The following BMPR2 variants were observed in gnomAD, a reference collection of about 807,000 sequenced individuals.
BMPR2 encodes the protein bone morphogenetic protein receptor type-2.
BMPR2 carries 29 observed loss-of-function variants against 100.8 expected under a neutral mutation model. The ratio of observed to expected loss-of-function variants is 0.29; its 90% CI spans 0.21 to 0.39. The LOEUF (loss-of-function observed/expected upper bound fraction) is 0.39. Ranked by LOEUF, BMPR2 falls within the 10% of genes least tolerant of loss-of-function variation. BMPR2 has a pLI of 1.00. For synonymous variants in BMPR2, 382 were observed against 442.3 expected (o/e 0.86, Z 1.71); for missense variants, 1,011 against 1,274.5 (o/e 0.79, Z 3.15).
At chr2:202,535,204 C>T (rs1442956975) in intron 9 of BMPR2, among the ~76,000 whole-genome samples, 17 of 151,722 alleles carry the variant, frequency 1.1e-4, no homozygotes, top group African/African-American at 2.2e-4. Context: ...ACCTCCCTCC[C>T]GGACGGGGTG....
chr2:202,462,718 T>G (rs2105957883), intron 1 of BMPR2, among the ~76,000 whole-genome samples: 1 of 151,952 alleles, frequency 6.6e-6, no homozygotes, highest in Non-Finnish European at 1.5e-5. Flanking sequence ...GTTGTTGTTG[T>G]TTTTGTTTTT....
chr2:202,469,216 C>T (rs569714792), intron 3 of BMPR2, among the ~76,000 whole-genome samples: 120 of 151,576 alleles, frequency 7.9e-4, no homozygotes, highest in African/African-American at 2.5e-3. Context: ...TTAGTAGAGA[C>T]GGGGTTTCTC....
intron 1 of BMPR2, among the ~76,000 whole-genome samples, chr2:202,383,896 G>A (rs1690358940): frequency 6.6e-6 from 1 of 151,832 alleles, no homozygotes; most frequent in African/African-American, 2.4e-5. Flanking sequence ...TATTGGCTGG[G>A]CCTGGTGGCT....
chr2:202,416,066 GTTAAAATATCAGTACTAACAGGAA>G (rs930739042), intron 1 of BMPR2, among the ~76,000 whole-genome samples: 5 of 152,178 alleles, frequency 3.3e-5, no homozygotes, highest in Non-Finnish European at 7.3e-5. Flanking sequence ...ATGGGAGGAG[GTTAAAATATCAGTACTAACAGGAA>G]TTTGGAAGAA....
At position 202,566,373 on chromosome 2, in the gene BMPR2, A is replaced by T. The variant is rs1688763452; in HGVS notation, c.*6427A>T. The T allele has an allele frequency of 1.3e-5, 2 of 152,622 alleles. No individual in the cohort carries two copies. 9.5% of individuals were successfully genotyped at this position (152,622 alleles called of 1,614,324 possible). On this transcript the variant is annotated 3_prime_UTR_variant, in exon 13 of 13. Coordinates refer to ENST00000374580, the MANE Select transcript of BMPR2 (RefSeq NM_001204.7). ...ATTTAAAGTGTTTGTTGCACAGTTC[A>T]TTTAATGTTTCATCTTATTTGACTT...
At position 202,567,515 on chromosome 2, in the gene BMPR2, T is replaced by C. The variant is rs1264861153; in HGVS notation, c.*7569T>C. ...CAGTGTGAGTATAAAATAAAGCAAATCACTTTTCTTTTGTATTATCTATGG... is the reference window on the plus strand; with the variant it reads ...CAGTGTGAGTATAAAATAAAGCAAACCACTTTTCTTTTGTATTATCTATGG... On this transcript the variant is annotated 3_prime_UTR_variant, in exon 13 of 13. Transcript: ENST00000374580. 1 of 152,640 alleles carries C rather than the reference T, an allele frequency of 6.6e-6. No homozygotes were observed. Among genetic ancestry groups the C allele is most frequent in the African/African-American group, 2.4e-5 (1 of 41,456 alleles). 9.5% of individuals were successfully genotyped at this position (152,640 alleles called of 1,614,324 possible). A position where few individuals can be genotyped will look rare whatever the true frequency, so the allele number is the denominator to read the frequency against.
intron 3 of BMPR2, among the ~76,000 whole-genome samples, chr2:202,472,492 C>T (rs574506882): frequency 2.0e-4 from 30 of 152,166 alleles, no homozygotes; most frequent in African/African-American, 7.0e-4. Flanking sequence ...AACCCCATCT[C>T]TACTAAAAAT....
chr2:202,455,564 A>G (rs1252189055), intron 1 of BMPR2, among the ~76,000 whole-genome samples: 1 of 152,234 alleles, frequency 6.6e-6, no homozygotes, highest in South Asian at 2.1e-4. Flanking sequence ...GTGAGATACA[A>G]TGCTGTGATT....
chr2:202,439,974 C>T (rs1272779544), intron 1 of BMPR2, among the ~76,000 whole-genome samples: 2 of 150,038 alleles, frequency 1.3e-5, no homozygotes, highest in Non-Finnish European at 2.9e-5. Flanking sequence ...CATCTTGCAC[C>T]GCCCTTAATC....
chr2:202,385,383 T>TTTTTTTTTTTTTA (rs869095713), intron 1 of BMPR2, among the ~76,000 whole-genome samples: 1 of 145,728 alleles, frequency 6.9e-6, no homozygotes, highest in Admixed American at 7.1e-5. Context: ...TTTTTTTTTT[T>TTTTTTTTTTTTTA]GAGACGGAGT....
intron 1 of BMPR2, among the ~76,000 whole-genome samples, chr2:202,380,164 C>G (rs1690246982): frequency 6.6e-6 from 1 of 151,518 alleles, no homozygotes; most frequent in South Asian, 2.1e-4. Flanking sequence ...CCACACCCCG[C>G]CTAATTCTTA....
Position 202,388,352 on chromosome 2 carries a change from G to A in BMPR2, c.76+10802G>A, listed in dbSNP as rs1263728087. Reference sequence around the variant, plus strand: ...ATGGAGGTTGCAGTGAGCCGAGATTGTGTCACTGCACTCTAGCCTGGGTGA... The same window carrying A: ...ATGGAGGTTGCAGTGAGCCGAGATTATGTCACTGCACTCTAGCCTGGGTGA... On this transcript the variant is annotated intron_variant, in intron 1 of 12. Transcript: ENST00000374580. Among the ~76,000 whole-genome samples, 5 of 124,442 alleles carry A rather than the reference G, an allele frequency of 4.0e-5. No individual in the cohort carries two copies. The East Asian group carries it at 1.3e-3, about 31-fold the overall frequency. 81.6% of individuals were successfully genotyped at this position (124,442 alleles called of 152,430 possible).
At chr2:202,424,973 C>G (rs1231623061) in intron 1 of BMPR2, among the ~76,000 whole-genome samples, 1 of 150,214 alleles carries the variant, frequency 6.7e-6, no homozygotes, top group Non-Finnish European at 1.5e-5. Flanking sequence ...TTTTTTTTTC[C>G]CCAGAGATGG....
chr2:202,482,909 A>G (rs961376221), intron 3 of BMPR2, among the ~76,000 whole-genome samples: 1 of 152,070 alleles, frequency 6.6e-6, no homozygotes, highest in Non-Finnish European at 1.5e-5. Flanking sequence ...GGTCGTGAAC[A>G]TTCAGCTTCA....
chr2:202,382,698 C>T (rs1392325784), intron 1 of BMPR2, among the ~76,000 whole-genome samples: 1 of 152,178 alleles, frequency 6.6e-6, no homozygotes, highest in Non-Finnish European at 1.5e-5. Flanking sequence ...GTCCTAGTTC[C>T]TTCAACTATA....
In BMPR2 at chr2:202,377,338, A is replaced by G. The variant is rs1479860291; in HGVS notation, c.-137A>G. On this transcript the variant is annotated 5_prime_UTR_variant, in exon 1 of 13. Transcript: ENST00000374580. ...CTGCAGCTAGGTCCTCTCATCAGCC[A>G]TTTGTCCTTTCAAACTGTATTGTGA... is the stretch of plus-strand genomic sequence containing the variant. 4.7e-6 allele frequency: 4 copies of G among 847,604 alleles called. No homozygotes were observed. Among genetic ancestry groups the G allele is most frequent in the Middle Eastern group, 2.2e-4 (1 of 4,584 alleles). The allele number at this position is 847,604 out of a possible 1,614,324, so 52.5% of individuals were successfully genotyped here.
At chr2:202,458,653 T>C (rs1453002196) in intron 1 of BMPR2, among the ~76,000 whole-genome samples, 1 of 151,080 alleles carries the variant, frequency 6.6e-6, no homozygotes, top group Non-Finnish European at 1.5e-5. Context: ...TTCTTTAATG[T>C]GCACATTTTT....
rs74924503 is a variant in BMPR2, at chr2:202,542,765, C to T, written c.1413+318C>T. On this transcript the variant is annotated intron_variant, in intron 10 of 12. Coordinates refer to ENST00000374580, the MANE Select transcript of BMPR2 (RefSeq NM_001204.7). ...TATTATTGAAATTCTATCTTACTCT[C>T]TTGAGAATAGTACCAAAACTGTTAA... 0.046 allele frequency among the ~76,000 whole-genome samples: 7,029 copies of T among 152,122 alleles called. 537 individuals carry two copies. Among genetic ancestry groups the T allele is most frequent in the African/African-American group, 0.16 (6,656 of 41,470 alleles).
At chr2:202,490,877 G>T (rs116565969) in intron 3 of BMPR2, among the ~76,000 whole-genome samples, 481 of 152,244 alleles carry the variant, frequency 3.2e-3, no homozygotes, top group African/African-American at 0.011. Context: ...ACTATATAAG[G>T]AGTATGGTTT....
Sources: allele counts gnomAD v4.1 joint callset (sites outside exome capture counted in the v4.1 genomes callset), GRCh38; gene constraint gnomAD v4.1.1; transcripts MANE v1.5; gene names NCBI Gene and HGNC (gene_info 2026-07-23, HGNC 2026-07-21).